Variants in TARBP1 observed in about 807,000 individuals in gnomAD.
The protein encoded by TARBP1 is tRNA guanosine 2 -O-methyltransferase TARBP1, also known as tRNA (guanosine(18)-2'-O)-methyltransferase TARBP1.
A neutral mutation model predicts 178.6 loss-of-function variants in TARBP1; 144 were observed. The ratio of observed to expected loss-of-function variants is 0.81; its 90% CI spans 0.70 to 0.93. The LOEUF is 0.93. Among genes scored for constraint, TARBP1 ranks in the 40% least tolerant of loss-of-function variants. The pLI is 0.00. For synonymous variants in TARBP1, 787 were observed against 781.0 expected (o/e 1.01, Z -0.13); for missense variants, 2,067 against 2,011.7 (o/e 1.03, Z -0.53).
chr1:234,393,532 C>G, intron 27 of TARBP1, 46 bp from the exon 28 acceptor site: 1 of 1,571,614 alleles, frequency 6.4e-7, no homozygotes, highest in Non-Finnish European at 8.6e-7. Flanking sequence ...CAGCACAATG[C>G]TAAGCTCATC....
At chr1:234,434,761 T>C (rs1184843467) in intron 13 of TARBP1, among the ~76,000 whole-genome samples, 1 of 151,502 alleles carries the variant, frequency 6.6e-6, no homozygotes, top group African/African-American at 2.4e-5. Flanking sequence ...GGGGAGAGAA[T>C]GAGAAAAGAA....
chr1:234,447,393 A>ATTTTTTTTT (rs1558221777), intron 11 of TARBP1, among the ~76,000 whole-genome samples: 1 of 127,572 alleles, frequency 7.8e-6, no homozygotes, highest in Non-Finnish European at 1.6e-5. Flanking sequence ...CTGTTAACCA[A>ATTTTTTTTT]CTTTTTTTTT....
At chr1:234,444,774 A>C (rs368483181) in intron 12 of TARBP1, among the ~76,000 whole-genome samples, 1 of 151,926 alleles carries the variant, frequency 6.6e-6, no homozygotes, top group African/African-American at 2.4e-5. Context: ...ACCTCTCTCT[A>C]TCAGTGCTCC....
Position 234,460,297 on chromosome 1 carries a change from T to G in TARBP1, c.1499A>C (p.His500Pro). The G allele has an allele frequency of 6.2e-7, 1 of 1,614,220 alleles. No homozygotes were observed. The highest frequency in any genetic ancestry group is 8.5e-7 in the Non-Finnish European group (1 of 1,180,042). Reference sequence around the variant, plus strand: ...AAGCCCATCTATACCCAGGGCCTTATGTCTTGGGACATTTGCCAAAGCCTT... The same window carrying G: ...AAGCCCATCTATACCCAGGGCCTTAGGTCTTGGGACATTTGCCAAAGCCTT... ...LSKALANVPR[H>P]KALGIDGLLA... is the part of the protein sequence containing the mutation. Residue 500 changes from histidine to proline, a missense_variant, in exon 7 of 30, where the codon CAT becomes CCT. Physicochemically the swap from His to Pro is moderately conservative, Grantham distance 77. Transcript: ENST00000040877.
intron 12 of TARBP1, among the ~76,000 whole-genome samples, chr1:234,439,147 A>G (rs1461613226): frequency 6.6e-6 from 1 of 152,248 alleles, no homozygotes; most frequent in African/African-American, 2.4e-5. Context: ...CAAAAAGGAC[A>G]TGATGCCATA....
intron 25 of TARBP1, 130 bp downstream of exon 25, chr1:234,401,051 A>C: frequency 1.6e-6 from 1 of 636,486 alleles, no homozygotes; most frequent in Non-Finnish European, 2.6e-6. Flanking sequence ...TTAGAACTTT[A>C]AAATGTTAAG....
intron 3 of TARBP1, among the ~76,000 whole-genome samples, chr1:234,470,337 G>A (rs1274650195): frequency 6.6e-6 from 1 of 152,064 alleles, no homozygotes; most frequent in African/African-American, 2.4e-5. Flanking sequence ...CTATCGACGA[G>A]TCCTTATCTT....
intron 22 of TARBP1, among the ~76,000 whole-genome samples, chr1:234,413,266 C>T (rs1662056821): frequency 6.6e-6 from 1 of 152,188 alleles, no homozygotes; most frequent in Admixed American, 6.5e-5. Context: ...AATCCCAGCA[C>T]TTTGGGAGGC....
Position 234,391,362 on chromosome 1 carries a change from T to G in TARBP1, c.*215A>C. 4.8e-6 allele frequency: 2 copies of G among 415,570 alleles called. No homozygotes were observed. 25.7% of individuals were successfully genotyped at this position (415,570 alleles called of 1,614,324 possible). A position where few individuals can be genotyped will look rare whatever the true frequency, so the allele number is the denominator to read the frequency against. On this transcript the variant is annotated 3_prime_UTR_variant, in exon 30 of 30. Coordinates refer to ENST00000040877, the MANE Select transcript of TARBP1 (RefSeq NM_005646.4). ...TTATTTCCACAATTGCTTAAAATAT[T>G]TTATTAAAGGAAGAATACAATTTAA...
rs1666247055 is a variant in TARBP1, at chr1:234,446,982, A to C, written c.1962-7T>G. ...CTCTGTTCTCTGCTTTCCGCTAGAC[A>C]TTAAAAGACATGCCAAAATCAACCA... On this transcript the variant is annotated splice_region_variant and splice_polypyrimidine_tract_variant and intron_variant, in intron 11 of 29. Transcript: ENST00000040877. The C allele has an allele frequency of 6.8e-6, 11 of 1,611,210 alleles. No homozygotes were observed. Among genetic ancestry groups the C allele is most frequent in the Non-Finnish European group, 9.3e-6 (11 of 1,178,720 alleles).
chr1:234,453,861 C>T (rs1431205784), intron 9 of TARBP1, among the ~76,000 whole-genome samples: 1 of 152,172 alleles, frequency 6.6e-6, no homozygotes, highest in Non-Finnish European at 1.5e-5. Context: ...CAACACTCAG[C>T]ACAGTGCCTG....
chr1:234,462,736 T>C (rs1054630548), intron 6 of TARBP1, among the ~76,000 whole-genome samples: 1 of 150,814 alleles, frequency 6.6e-6, no homozygotes, highest in Non-Finnish European at 1.5e-5. Context: ...CTTCCCCATC[T>C]TCCCCATTAA....
chr1:234,478,801 G>A lies in TARBP1; in HGVS notation c.303C>T (p.Gly101=), dbSNP rs1669841701. The stretch of plus-strand genomic sequence containing the variant: ...GGCGGACGCACGAGCGCAGGGCCGC[G>A]CCCGCCGCCCTCAGCACGCGCCGGC... ...RHRRRVLRAA[G]AALRSCVRLA... Residue 101 remains glycine (G), a synonymous_variant, in exon 1 of 30, where the codon GGC becomes GGT. Coordinates refer to ENST00000040877, the MANE Select transcript of TARBP1 (RefSeq NM_005646.4). The A allele has an allele frequency of 2.9e-6, 3 of 1,030,952 alleles. No individual in the cohort carries two copies. The highest frequency in any genetic ancestry group is 3.5e-6 in the Non-Finnish European group (3 of 852,516). The allele number at this position is 1,030,952 out of a possible 1,614,324, so 63.9% of individuals were successfully genotyped here.
chr1:234,463,650 C>T (rs894302466), intron 6 of TARBP1, among the ~76,000 whole-genome samples, 187 bp downstream of exon 6: 10 of 152,092 alleles, frequency 6.6e-5, no homozygotes, highest in African/African-American at 1.9e-4. Flanking sequence ...GTATGTCATA[C>T]ACAATGACTA....
intron 1 of TARBP1, among the ~76,000 whole-genome samples, chr1:234,473,748 T>C (rs1406082746): frequency 6.6e-6 from 1 of 152,160 alleles, no homozygotes; most frequent in Non-Finnish European, 1.5e-5. Flanking sequence ...TGATTTCTTA[T>C]CCTTAAACAT....
chr1:234,432,074 T>C lies in TARBP1; in HGVS notation c.2394+1336A>G, dbSNP rs573598441. ...ATCGCTTGAACCTGGGGGGCCAAGG[T>C]TGCAGTGAGCCAACTGCACAACTGC... On this transcript the variant is annotated intron_variant, in intron 14 of 29. Coordinates refer to ENST00000040877, the MANE Select transcript of TARBP1 (RefSeq NM_005646.4). Among the ~76,000 whole-genome samples the C allele has an allele frequency of 1.4e-5, 2 of 144,336 alleles. 1 individual carries two copies. The highest frequency in any genetic ancestry group is 5.2e-5 in the African/African-American group (2 of 38,294). The allele number at this position is 144,336 out of a possible 152,430, so 94.7% of individuals were successfully genotyped here.
At chr1:234,476,706 T>A (rs573857552) in intron 1 of TARBP1, among the ~76,000 whole-genome samples, 4 of 152,226 alleles carry the variant, frequency 2.6e-5, no homozygotes, top group Non-Finnish European at 5.9e-5. Context: ...TTATAAATGC[T>A]GAACACACAT....
chr1:234,466,502 ACT>A (rs1323683277), intron 4 of TARBP1, among the ~76,000 whole-genome samples: 5 of 151,008 alleles, frequency 3.3e-5, no homozygotes, highest in Non-Finnish European at 7.4e-5. Context: ...ACAGAGTGAG[ACT>A]CTGTCTCAAA....
Position 234,465,714 on chromosome 1 carries a change from A to C in TARBP1, c.1249-6T>G. The C allele has an allele frequency of 2.6e-6, 4 of 1,514,274 alleles. No homozygotes were observed. The highest frequency in any genetic ancestry group is 3.5e-6 in the Non-Finnish European group (4 of 1,129,250). 93.8% of individuals were successfully genotyped at this position (1,514,274 alleles called of 1,614,324 possible). On this transcript the variant is annotated splice_polypyrimidine_tract_variant and splice_region_variant and intron_variant, in intron 4 of 29. Transcript: ENST00000040877. ...ATTAATGGTCCAATAATAAACTAAA[A>C]AAAAAAAAAAAAAAAGACACGTAAT...
Sources: allele counts gnomAD v4.1 joint callset (sites outside exome capture counted in the v4.1 genomes callset), GRCh38; gene constraint gnomAD v4.1.1; transcripts MANE v1.5; gene names NCBI Gene and HGNC (gene_info 2026-07-23, HGNC 2026-07-21).